CAMK2G: variants seen among roughly 807,000 people sequenced by gnomAD.
CAMK2G encodes the protein calcium/calmodulin-dependent protein kinase type II subunit gamma.
CAMK2G carries 23 observed loss-of-function variants against 88.7 expected under a neutral mutation model. That is an observed-to-expected ratio of 0.26 (90% confidence interval 0.19 to 0.37). The LOEUF is 0.37. Ranked by LOEUF, CAMK2G falls within the 10% of genes least tolerant of loss-of-function variation. CAMK2G has a pLI of 1.00. For missense variants in CAMK2G, 476 were observed against 780.8 expected (o/e 0.61, Z 4.65); for synonymous variants, 263 against 294.8 (o/e 0.89, Z 1.11).
At position 73,848,597 on chromosome 10, in the gene CAMK2G, G is replaced by A; in HGVS notation, c.530C>T (p.Thr177Ile). The change falls in exon 8 of 23, where the codon ACC becomes ATC. Residue 177 changes from threonine to isoleucine, a missense_variant. Around this residue, in one of 3 missense-constraint regions of CAMK2G, gnomAD observed 164 missense variants for 385.6 expected, o/e 0.43. Transcript: ENST00000423381. The surrounding 1 kb of genome is among the most constrained non-coding windows in gnomAD (Gnocchi z 4.5). The stretch of plus-strand genomic sequence containing the variant: ...GACCTCAGGGGACAAGTAACCTGGG[G>A]TGCCAGCAAAACCTGTAGCAAAAGA... ...EQQAWFGFAG[T>I]PGYLSPEVLR... 1.2e-6 allele frequency: 2 copies of A among 1,609,666 alleles called. No homozygotes were observed. Among genetic ancestry groups the A allele is most frequent in the Non-Finnish European group, 1.7e-6 (2 of 1,177,262 alleles).
intron 19 of CAMK2G, chr10:73,817,928 A>C: frequency 3.9e-6 from 1 of 257,968 alleles, no homozygotes; most frequent in Non-Finnish European, 7.6e-6. Context: ...ATCTCCCAAT[A>C]AGGCCGCTTC....
At position 73,828,265 on chromosome 10, in the gene CAMK2G, G is replaced by C. The variant is rs1404132539; in HGVS notation, c.1054-144C>G. ...GGGAGACCCGGAGTCCAGCACCAGA[G>C]GGTTAAACAGCACACGGACCGACAG... is the stretch of plus-strand genomic sequence containing the variant. On this transcript the variant is annotated intron_variant, in intron 14 of 22. Coordinates refer to ENST00000423381, the MANE Select transcript of CAMK2G (RefSeq NM_001367534.1). 3 of 692,242 alleles carry C rather than the reference G, an allele frequency of 4.3e-6. No individual in the cohort carries two copies. The Admixed American group carries it at 6.4e-5, about 15-fold the overall frequency. 42.9% of individuals were successfully genotyped at this position (692,242 alleles called of 1,614,324 possible).
At chr10:73,869,665 GA>G (rs2095741133) in intron 2 of CAMK2G, among the ~76,000 whole-genome samples, 1 of 152,226 alleles carries the variant, frequency 6.6e-6, no homozygotes, top group Non-Finnish European at 1.5e-5. Flanking sequence ...CAGAAGTATA[GA>G]AACACATAAG....
intron 2 of CAMK2G, among the ~76,000 whole-genome samples, chr10:73,869,735 T>C (rs2095745739): frequency 6.6e-6 from 1 of 152,266 alleles, no homozygotes; most frequent in African/African-American, 2.4e-5. Flanking sequence ...TACATTTAGC[T>C]TCAAAAGAAA....
chr10:73,862,294 T>TCCCCCCCCCCCC (rs2095413159), intron 2 of CAMK2G, among the ~76,000 whole-genome samples: 1 of 46,462 alleles, frequency 2.2e-5, no homozygotes, highest in African/African-American at 9.0e-5. Context: ...TCCCTCCTAC[T>TCCCCCCCCCCCC]CCACCCCCCC....
At chr10:73,837,580 C>T (rs1369314756) in intron 13 of CAMK2G, 69 bp from the exon 14 acceptor site, 2 of 1,262,284 alleles carry the variant, frequency 1.6e-6, no homozygotes, top group Non-Finnish European at 1.2e-6. Flanking sequence ...GTCCGGCAGC[C>T]AGATCCACAA....
intron 14 of CAMK2G, among the ~76,000 whole-genome samples, chr10:73,828,794 C>G (rs2091783709): frequency 6.6e-6 from 1 of 152,150 alleles, no homozygotes; most frequent in Non-Finnish European, 1.5e-5. Flanking sequence ...CTACAGTGAT[C>G]ATAAAAATGC....
At chr10:73,819,508 A>T in intron 19 of CAMK2G, 24 bp downstream of exon 19, 1 of 1,491,684 alleles carries the variant, frequency 6.7e-7, no homozygotes, top group Non-Finnish European at 9.1e-7. Flanking sequence ...GACGGAAGCC[A>T]GAATGTGCCT....
Position 73,842,552 on chromosome 10 carries a change from AACAG to A in CAMK2G, c.820-15_820-12del, listed in dbSNP as rs1473651964. The A allele has an allele frequency of 5.0e-6, 8 of 1,602,526 alleles. No individual in the cohort carries two copies. Among genetic ancestry groups the A allele is most frequent in the Middle Eastern group, 3.3e-4 (2 of 6,030 alleles). On this transcript the variant is annotated splice_polypyrimidine_tract_variant and intron_variant, in intron 10 of 22. Transcript: ENST00000423381. This position sits in a 1 kb window ranked among gnomAD's most constrained non-coding sequence, Gnocchi z 4.6. Reference sequence around the variant, plus strand: ...CACCGTGGATCGTTGCTAGAAACCAAACAGACAGGCTATGAGCCCCAGCCCAGAT... The same window carrying A: ...CACCGTGGATCGTTGCTAGAAACCAAACAGGCTATGAGCCCCAGCCCAGAT...
chr10:73,874,164 T>A (rs1311402932), intron 1 of CAMK2G, among the ~76,000 whole-genome samples: 2 of 142,070 alleles, frequency 1.4e-5, no homozygotes, highest in Non-Finnish European at 3.1e-5. Flanking sequence ...GGGTCTGCGG[T>A]GTCCGCGGCG....
chr10:73,870,008 G>A (rs993613599), intron 2 of CAMK2G, among the ~76,000 whole-genome samples: 1 of 152,188 alleles, frequency 6.6e-6, no homozygotes, highest in African/African-American at 2.4e-5. Context: ...AAATGCTTTG[G>A]ATATAAGCAA....
At chr10:73,832,746 G>A (rs938726176) in intron 14 of CAMK2G, among the ~76,000 whole-genome samples, 4 of 152,020 alleles carry the variant, frequency 2.6e-5, no homozygotes, top group Admixed American at 1.3e-4. Context: ...TAATTATTTA[G>A]TCATTTACTG....
Position 73,839,651 on chromosome 10 carries a change from C to T in CAMK2G, c.947-50G>A. The T allele has an allele frequency of 3.6e-6, 4 of 1,115,736 alleles. No individual in the cohort carries two copies. Among genetic ancestry groups the T allele is most frequent in the Non-Finnish European group, 4.5e-6 (4 of 880,920 alleles). The allele number at this position is 1,115,736 out of a possible 1,614,324, so 69.1% of individuals were successfully genotyped here. ...CACAGAGCCCCGCAAAGCCACGGGG[C>T]CGTCAGCAGCGAGCATGCCCCAGCG... On this transcript the variant is annotated intron_variant, in intron 12 of 22. Transcript: ENST00000423381. The surrounding 1 kb of genome is among the most constrained non-coding windows in gnomAD (Gnocchi z 4.2).
At chr10:73,819,438 G>A (rs1031798323) in intron 19 of CAMK2G, 94 bp downstream of exon 19, 3 of 849,004 alleles carry the variant, frequency 3.5e-6, no homozygotes, top group Non-Finnish European at 5.8e-6. Context: ...ACCACGGGCA[G>A]GTGGGTGGGA....
intron 18 of CAMK2G, among the ~76,000 whole-genome samples, chr10:73,820,473 T>A (rs945576742): frequency 1.3e-3 from 44 of 33,646 alleles, no homozygotes; most frequent in Non-Finnish European, 2.0e-3. Context: ...TTTATATATA[T>A]ATATATATAT....
rs368854799 is a variant in CAMK2G, at chr10:73,842,227, G to C, written c.904-16C>G. On this transcript the variant is annotated splice_polypyrimidine_tract_variant and intron_variant, in intron 11 of 22. Coordinates refer to ENST00000423381, the MANE Select transcript of CAMK2G (RefSeq NM_001367534.1). This position sits in a 1 kb window ranked among gnomAD's most constrained non-coding sequence, Gnocchi z 4.6. ...GGATGGCACCCTGGGGAAAGAGGAA[G>C]GTCCTGTGAATTCACTGAGACCCTA... 1.4e-5 allele frequency: 23 copies of C among 1,607,018 alleles called. No individual in the cohort carries two copies. The highest frequency in any genetic ancestry group is 2.0e-5 in the Non-Finnish European group (23 of 1,173,600).
At chr10:73,824,194 G>A in intron 16 of CAMK2G, 110 bp from the exon 17 acceptor site, 1 of 757,212 alleles carries the variant, frequency 1.3e-6, no homozygotes, top group Non-Finnish European at 2.3e-6. Context: ...GATGACCACT[G>A]AGGCCTGCCC....
chr10:73,827,862 T>C (rs1286215756), intron 15 of CAMK2G, among the ~76,000 whole-genome samples: 1 of 152,182 alleles, frequency 6.6e-6, no homozygotes, highest in Non-Finnish European at 1.5e-5. Context: ...CTGTCCAAGC[T>C]CCACAGCAGG....
At chr10:73,862,056 T>C (rs2095402510) in intron 2 of CAMK2G, among the ~76,000 whole-genome samples, 1 of 152,134 alleles carries the variant, frequency 6.6e-6, no homozygotes, top group Non-Finnish European at 1.5e-5. Flanking sequence ...TTGGTTTTGG[T>C]GGAATAACCA....
Sources: allele counts gnomAD v4.1 joint callset (sites outside exome capture counted in the v4.1 genomes callset), GRCh38; gene constraint gnomAD v4.1.1; regional missense constraint gnomAD v4.1.1; non-coding constraint Gnocchi (gnomAD v3.1); transcripts MANE v1.5; gene names NCBI Gene and HGNC (gene_info 2026-07-23, HGNC 2026-07-21).